MTTP: variants seen among roughly 807,000 people sequenced by gnomAD.
MTTP encodes microsomal triglyceride transfer protein large subunit.
A neutral mutation model predicts 90.6 loss-of-function variants in MTTP; 49 were observed. The ratio of observed to expected loss-of-function variants is 0.54; its 90% confidence interval spans 0.43 to 0.69. The LOEUF (loss-of-function observed/expected upper bound fraction) is 0.69, where lower values mean the gene tolerates loss of function less well. Among genes scored for constraint, MTTP ranks in the 30% least tolerant of loss-of-function variants. The pLI is 0.00. For missense variants in MTTP, 945 were observed against 1,067.5 expected (o/e 0.89, Z 1.60); for synonymous variants, 347 against 384.2 (o/e 0.90, Z 1.13).
intron 3 of MTTP, among the ~76,000 whole-genome samples, chr4:99,589,152 T>C (rs950177550): frequency 6.8e-6 from 1 of 146,864 alleles, no homozygotes; most frequent in Non-Finnish European, 1.5e-5. Context: ...ACCATGGGTA[T>C]TATGGCCATG....
chr4:99,593,414 A>G (rs1479056298), intron 6 of MTTP, among the ~76,000 whole-genome samples: 2 of 152,144 alleles, frequency 1.3e-5, no homozygotes, highest in Non-Finnish European at 2.9e-5. Context: ...TTGTTAAAAA[A>G]CATAAAAAGT....
Position 99,608,958 on chromosome 4 carries a change from C to A in MTTP, c.1750C>A (p.Arg584Ser). Residue 584 changes from arginine to serine, a missense_variant, in exon 12 of 18, where the codon CGT becomes AGT. Transcript: ENST00000265517. Reference sequence around the variant, plus strand: ...GCTCGCCATTGTTCAAGACATCCTACGTTTTGAAATGCCTGCAAGGTATAA... The same window carrying A: ...GCTCGCCATTGTTCAAGACATCCTAAGTTTTGAAATGCCTGCAAGGTATAA... Reference protein sequence around the residue: ...YMLAIVQDILRFEMPASKIVR... With the variant: ...YMLAIVQDILSFEMPASKIVR... The A allele has an allele frequency of 1.2e-6, 2 of 1,613,960 alleles. No individual in the cohort carries two copies. The highest frequency in any genetic ancestry group is 1.7e-6 in the Non-Finnish European group (2 of 1,179,868).
intron 10 of MTTP, among the ~76,000 whole-genome samples, chr4:99,604,001 A>G (rs1383877715): frequency 2.0e-5 from 3 of 152,136 alleles, no homozygotes; most frequent in Non-Finnish European, 2.9e-5. Context: ...AATATTTTTG[A>G]GCAAACATTT....
In MTTP at chr4:99,589,560, T is replaced by G. The variant is rs1725361770; in HGVS notation, c.394-83T>G. On this transcript the variant is annotated intron_variant, in intron 3 of 17. Coordinates refer to ENST00000265517, the MANE Select transcript of MTTP (RefSeq NM_001386140.1). ...CTCCCAGGATTAATACAGGTAAGAA[T>G]CTGACCTTGCCTGACACTTATTTAA... 2.7e-5 allele frequency: 22 copies of G among 808,806 alleles called. No individual in the cohort carries two copies. The East Asian group carries it at 5.7e-4, about 21-fold the overall frequency. 50.1% of individuals were successfully genotyped at this position (808,806 alleles called of 1,614,324 possible).
chr4:99,583,368 C>T lies in MTTP; in HGVS notation c.250-6C>T. The T allele has an allele frequency of 6.2e-7, 1 of 1,612,648 alleles. No homozygotes were observed. The highest frequency in any genetic ancestry group is 1.1e-5 in the South Asian group (1 of 90,950). On this transcript the variant is annotated splice_polypyrimidine_tract_variant and splice_region_variant and intron_variant, in intron 2 of 17. Transcript: ENST00000265517. ...TTTTTTAACAGCTTTCTTTCTGTTACTCCAGATGAAGGATGTAAATGTTGA... is the reference window on the plus strand; with the variant it reads ...TTTTTTAACAGCTTTCTTTCTGTTATTCCAGATGAAGGATGTAAATGTTGA...
In MTTP at chr4:99,574,880, A is replaced by G. The variant is rs1206975663; in HGVS notation, c.-30A>G. On this transcript the variant is annotated 5_prime_UTR_variant, in exon 1 of 18. Coordinates refer to ENST00000265517, the MANE Select transcript of MTTP (RefSeq NM_001386140.1). ...ACTTCTCAGTGACTCCTAGCTGGGC[A>G]CTGGATGCAGTTGAGGATTGCTGGT... The G allele has an allele frequency of 6.2e-7, 1 of 1,614,162 alleles. No individual in the cohort carries two copies. Among genetic ancestry groups the G allele is most frequent in the Non-Finnish European group, 8.5e-7 (1 of 1,179,994 alleles).
chr4:99,611,142 G>C lies in MTTP; in HGVS notation c.1770-1G>C. Reference sequence around the variant, plus strand: ...GCTTTTTTTTTCCTCATATGTTGCAGCAAAATTGTCCGTCGAGTTCTGAAG... The same window carrying C: ...GCTTTTTTTTTCCTCATATGTTGCACCAAAATTGTCCGTCGAGTTCTGAAG... On this transcript the variant is annotated splice_acceptor_variant, in intron 12 of 17. Transcript: ENST00000265517. LOFTEE classifies it high-confidence loss of function. 4 of 1,613,326 alleles carry C rather than the reference G, an allele frequency of 2.5e-6. No homozygotes were observed. Among genetic ancestry groups the C allele is most frequent in the Non-Finnish European group, 2.5e-6 (3 of 1,179,554 alleles).
At chr4:99,580,636 T>C (rs1725084382) in intron 1 of MTTP, among the ~76,000 whole-genome samples, 1 of 149,272 alleles carries the variant, frequency 6.7e-6, no homozygotes, top group Non-Finnish European at 1.5e-5. Context: ...CTGGGTGACC[T>C]TAGGTAAATT....
intron 17 of MTTP, among the ~76,000 whole-genome samples, chr4:99,622,147 T>G (rs881980): frequency 0.15 from 22,339 of 152,246 alleles, 2,042 homozygotes; most frequent in East Asian, 0.44. Context: ...TACATTAAGT[T>G]ATATCTAGAA....
At chr4:99,613,381 A>G (rs1198559560) in intron 15 of MTTP, among the ~76,000 whole-genome samples, 4 of 152,196 alleles carry the variant, frequency 2.6e-5, no homozygotes, top group Non-Finnish European at 5.9e-5. Flanking sequence ...TGTTGATGTT[A>G]ACAGAAACAA....
upstream of MTTP, among the ~76,000 whole-genome samples, chr4:99,574,197 A>G (rs1724897818): frequency 6.6e-6 from 1 of 152,214 alleles, no homozygotes; most frequent in South Asian, 2.1e-4. Flanking sequence ...CTACTATGAA[A>G]TAATTGGCTT....
chr4:99,583,152 C>A (rs1252526728), intron 2 of MTTP, among the ~76,000 whole-genome samples: 2 of 152,088 alleles, frequency 1.3e-5, no homozygotes, highest in African/African-American at 4.8e-5. Flanking sequence ...TCACAGAGTT[C>A]TTTAAGTATT....
At chr4:99,571,663 A>C (rs1724845240), upstream of MTTP, among the ~76,000 whole-genome samples, 2 of 151,968 alleles carry the variant, frequency 1.3e-5, no homozygotes, top group Admixed American at 1.3e-4. Context: ...GAATTCAGTG[A>C]ATCTTTATTT....
At chr4:99,581,496 T>C (rs1266276413) in intron 1 of MTTP, among the ~76,000 whole-genome samples, 1 of 152,198 alleles carries the variant, frequency 6.6e-6, no homozygotes, top group East Asian at 1.9e-4. Flanking sequence ...TTGGCATTGA[T>C]CTGCTTGCAT....
chr4:99,581,058 T>A (rs1478561201), intron 1 of MTTP, among the ~76,000 whole-genome samples: 1 of 152,220 alleles, frequency 6.6e-6, no homozygotes, highest in Non-Finnish European at 1.5e-5. Context: ...AAGTCTTTTT[T>A]AACTATCTCC....
Position 99,621,129 on chromosome 4 carries a change from G to A in MTTP, c.2411G>A (p.Ser804Asn), listed in dbSNP as rs1726218461. 1.9e-6 allele frequency: 3 copies of A among 1,613,958 alleles called. No individual in the cohort carries two copies. The highest frequency in any genetic ancestry group is 1.3e-5 in the African/African-American group (1 of 74,908). The part of the protein sequence containing the change: ...SSFVKAGLET[S>N]TETEAGLEFI... ...TTTGTGAAAGCTGGCCTGGAAACCA[G>A]TACAGAAACAGAAGCAGGCTTGGAG... Residue 804 changes from serine to asparagine, a missense_variant, in exon 17 of 18, where the codon AGT (serine) becomes AAT (asparagine). Ser to Asn is a conservative substitution (Grantham distance 46, BLOSUM62 1). Coordinates refer to ENST00000265517, the MANE Select transcript of MTTP (RefSeq NM_001386140.1).
chr4:99,572,038 A>G (rs937414580), upstream of MTTP, among the ~76,000 whole-genome samples: 1 of 151,760 alleles, frequency 6.6e-6, no homozygotes, highest in African/African-American at 2.4e-5. Flanking sequence ...TAGTGGGGTG[A>G]AGTTCATTTG....
rs1725831612 is a variant in MTTP at position 99,606,925 on chromosome 4, C to T, written c.1522C>T (p.Leu508Phe). The change falls in exon 11 of 18, where the codon CTC (leucine) becomes TTC (phenylalanine). Residue 508 changes from leucine (L) to phenylalanine (F), a missense_variant. By Grantham distance (22) the Leu-to-Phe change is conservative (BLOSUM62 0). Transcript: ENST00000265517. ...GPISHLATTA[L>F]QRYDLPFITD... ...CATCAGCCACCTGGCTACCACTGCT[C>T]TCCAGAGATATGATCTCCCTTTCAT... The T allele has an allele frequency of 6.2e-7, 1 of 1,613,754 alleles. No individual in the cohort carries two copies. Among genetic ancestry groups the T allele is most frequent in the African/African-American group, 1.3e-5 (1 of 74,988 alleles).
chr4:99,594,683 T>C (rs902640332), intron 6 of MTTP, 50 bp from the exon 7 acceptor site: 1 of 1,602,704 alleles, frequency 6.2e-7, no homozygotes. Context: ...AGTATCTTGT[T>C]CACTCAAAAG....
Sources: gnomAD v4.1 joint callset for allele counts (sites outside exome capture counted in the v4.1 genomes callset) on GRCh38, gnomAD v4.1.1 for gene constraint, MANE v1.5 for transcripts, NCBI Gene and HGNC (gene_info 2026-07-23, HGNC 2026-07-21) for gene names.